FRAS1: variants seen among roughly 807,000 people sequenced by gnomAD.
FRAS1 encodes extracellular matrix organizing protein FRAS1.
In FRAS1, 290 loss-of-function variants were observed where a neutral mutation model predicts 435.2. The ratio of observed to expected loss-of-function variants is 0.67; its 90% CI spans 0.61 to 0.73. FRAS1 has a LOEUF of 0.73. Among genes scored for constraint, FRAS1 ranks in the 30% least tolerant of loss-of-function variants. FRAS1 has a pLI of 0.00. For synonymous variants in FRAS1, 1,800 were observed against 1,851.0 expected (o/e 0.97, Z 0.71); for missense variants, 4,860 against 5,001.5 (o/e 0.97, Z 0.85).
rs1295768131 is a variant in FRAS1, at chr4:78,448,317, G to A, written c.6274+1G>A. On this transcript the variant is annotated splice_donor_variant, in intron 44 of 73. Transcript: ENST00000512123. LOFTEE classifies it high-confidence loss of function. Reference sequence around the variant, plus strand: ...AACCAAGGCCTACAGCTCTCAGCAGGTACCACAGAAATAAAGGAGAGTGGC... The same window carrying A: ...AACCAAGGCCTACAGCTCTCAGCAGATACCACAGAAATAAAGGAGAGTGGC... 6.2e-7 allele frequency: 1 copy of A among 1,600,062 alleles called. No homozygotes were observed. Among genetic ancestry groups the A allele is most frequent in the Non-Finnish European group, 8.5e-7 (1 of 1,172,582 alleles).
intron 67 of FRAS1, among the ~76,000 whole-genome samples, chr4:78,519,787 G>T (rs980915170): frequency 6.6e-6 from 1 of 152,162 alleles, no homozygotes; most frequent in Non-Finnish European, 1.5e-5. Context: ...TAACCCAAAT[G>T]ATTTTCATTT....
intron 2 of FRAS1, among the ~76,000 whole-genome samples, chr4:78,139,996 A>G (rs1394472972): frequency 1.3e-5 from 2 of 152,132 alleles, no homozygotes; most frequent in Non-Finnish European, 2.9e-5. Context: ...CTTTTTGTGC[A>G]TTACATTTCC....
chr4:78,465,416 T>C (rs527942964), intron 49 of FRAS1, among the ~76,000 whole-genome samples: 44 of 152,326 alleles, frequency 2.9e-4, no homozygotes, highest in African/African-American at 9.9e-4. Context: ...TAGAGATTGA[T>C]AGATATGCTG....
In FRAS1 at chr4:78,185,256, T is replaced by C. The variant is rs150851617; in HGVS notation, c.109-52254T>C. Among the ~76,000 whole-genome samples the C allele has an allele frequency of 2.8e-3, 433 of 152,270 alleles. 1 individual carries two copies. Among genetic ancestry groups the C allele is most frequent in the Non-Finnish European group, 4.1e-3 (282 of 68,018 alleles). ...TGAGTGTGATTTAGTTGAAAGCAAA[T>C]AGAGTGAAAGGCAAGTCAACTGACT... On this transcript the variant is annotated intron_variant, in intron 2 of 73. Transcript: ENST00000512123.
At chr4:78,409,867 G>A (rs1733264786) in intron 31 of FRAS1, among the ~76,000 whole-genome samples, 1 of 152,198 alleles carries the variant, frequency 6.6e-6, no homozygotes, top group Non-Finnish European at 1.5e-5. Flanking sequence ...TTCTGCTTCT[G>A]ATGCCTGGCA....
At chr4:78,284,229 ATTTTTTTTTTTT>A (rs11453256) in intron 12 of FRAS1, among the ~76,000 whole-genome samples, 164 bp from the exon 13 acceptor site, 2 of 80,818 alleles carry the variant, frequency 2.5e-5, no homozygotes, top group East Asian at 3.8e-4. Context: ...ATTGGAATGT[ATTTTTTTTTTTT>A]TTTTTTTTTT....
intron 24 of FRAS1, among the ~76,000 whole-genome samples, chr4:78,373,724 G>A (rs1251754838): frequency 2.0e-5 from 3 of 152,020 alleles, no homozygotes; most frequent in Non-Finnish European, 2.9e-5. Flanking sequence ...GCGGTGAGCC[G>A]AGATTGTGCC....
intron 3 of FRAS1, among the ~76,000 whole-genome samples, chr4:78,242,921 A>G (rs1725069263): frequency 6.6e-6 from 1 of 152,088 alleles, no homozygotes; most frequent in African/African-American, 2.4e-5. Context: ...TCTTATATTC[A>G]TATAGAATAG....
chr4:78,257,375 CA>C (rs2110140070), intron 6 of FRAS1, among the ~76,000 whole-genome samples: 1 of 152,162 alleles, frequency 6.6e-6, no homozygotes, highest in Non-Finnish European at 1.5e-5. Flanking sequence ...TAATAATAAC[CA>C]TAATAATGAT....
At chr4:78,194,791 C>G (rs555707147) in intron 2 of FRAS1, among the ~76,000 whole-genome samples, 2 of 152,324 alleles carry the variant, frequency 1.3e-5, no homozygotes, top group African/African-American at 4.8e-5. Flanking sequence ...CACTCTCCAT[C>G]CAGCTTTGTT....
At chr4:78,435,916 T>C (rs927350574) in intron 38 of FRAS1, among the ~76,000 whole-genome samples, 1 of 152,278 alleles carries the variant, frequency 6.6e-6, no homozygotes, top group East Asian at 1.9e-4. Context: ...AAACCATAAG[T>C]AAAATTTTAC....
In FRAS1 at chr4:78,508,923, G is replaced by A; in HGVS notation, c.9697G>A (p.Ala3233Thr). Reference sequence around the variant, plus strand: ...ATCTGTGCAGTTCAGCTGGGAAGTGGCTGCCCCCACTGATGGCAATGGGGC... The same window carrying A: ...ATCTGTGCAGTTCAGCTGGGAAGTGACTGCCCCCACTGATGGCAATGGGGC... ...QTSVQFSWEV[A>T]APTDGNGARS... The change falls in exon 63 of 74, where the codon GCT (alanine) becomes ACT (threonine). Residue 3233 changes from alanine to threonine, a missense_variant. Ala to Thr is a moderately conservative substitution (Grantham distance 58). Coordinates refer to ENST00000512123, the MANE Select transcript of FRAS1 (RefSeq NM_025074.7). 6.2e-7 allele frequency: 1 copy of A among 1,613,904 alleles called. No individual in the cohort carries two copies. The highest frequency in any genetic ancestry group is 2.2e-5 in the East Asian group (1 of 44,856).
chr4:78,299,750 G>A (rs1728302472), intron 14 of FRAS1, among the ~76,000 whole-genome samples: 1 of 152,158 alleles, frequency 6.6e-6, no homozygotes, highest in South Asian at 2.1e-4. Context: ...CCGTACTCTG[G>A]CCCATCTGAA....
In FRAS1 at chr4:78,469,918, G is replaced by A; in HGVS notation, c.7258-60G>A. ...AGAGGTTACAGCTGTGTAGGCCCTG[G>A]ACCTGACATACTTCAGGTACTTGTG... On this transcript the variant is annotated intron_variant, in intron 50 of 73. Transcript: ENST00000512123. 2.5e-6 allele frequency: 3 copies of A among 1,217,452 alleles called. No individual in the cohort carries two copies. In the Middle Eastern group the frequency reaches 5.6e-4, roughly 229 times the overall value. The allele number at this position is 1,217,452 out of a possible 1,614,324, so 75.4% of individuals were successfully genotyped here.
intron 29 of FRAS1, among the ~76,000 whole-genome samples, chr4:78,396,530 C>CT (rs1732671128): frequency 1.3e-5 from 2 of 152,140 alleles, no homozygotes; most frequent in African/African-American, 4.8e-5. Context: ...GTTTTTTTCT[C>CT]TAAGTGTTTC....
chr4:78,488,828 C>T (rs1312373278), intron 58 of FRAS1, 47 bp from the exon 59 acceptor site: 2 of 1,556,348 alleles, frequency 1.3e-6, no homozygotes, highest in East Asian at 4.6e-5. Flanking sequence ...CCACAGCTTC[C>T]CTGTCTTCCA....
chr4:78,486,042 G>A (rs1019080061), intron 58 of FRAS1, among the ~76,000 whole-genome samples: 6 of 152,094 alleles, frequency 3.9e-5, no homozygotes, highest in African/African-American at 1.4e-4. Context: ...AATTAGACTC[G>A]GGCTTGGGCA....
At chr4:78,318,519 C>T (rs920827960) in intron 17 of FRAS1, among the ~76,000 whole-genome samples, 7 of 152,132 alleles carry the variant, frequency 4.6e-5, no homozygotes, top group African/African-American at 1.2e-4. Flanking sequence ...CTCTGGAGAA[C>T]CAAGCCAATA....
At chr4:78,435,635 G>A (rs754940098) in intron 38 of FRAS1, among the ~76,000 whole-genome samples, 12 of 152,072 alleles carry the variant, frequency 7.9e-5, no homozygotes, top group Non-Finnish European at 1.6e-4. Flanking sequence ...GTACTCAGGA[G>A]GCTGAGGCAT....
Sources: gnomAD v4.1 joint callset for allele counts (sites outside exome capture counted in the v4.1 genomes callset) on GRCh38, gnomAD v4.1.1 for gene constraint, MANE v1.5 for transcripts, NCBI Gene and HGNC (gene_info 2026-07-23, HGNC 2026-07-21) for gene names.